Variants in MPP4 observed in about 807,000 individuals in gnomAD.
MPP4 encodes MAGUK p55 subfamily member 4.
A neutral mutation model predicts 98.3 loss-of-function variants in MPP4; 91 were observed. The ratio of observed to expected loss-of-function variants is 0.93; its 90% confidence interval spans 0.78 to 1.10. MPP4 has a LOEUF of 1.10. Among genes scored for constraint, MPP4 ranks in the 50% least tolerant of loss-of-function variants. The pLI is 0.00. For missense variants in MPP4, 744 were observed against 792.9 expected, an observed-to-expected ratio of 0.94 and a Z score of 0.74; for synonymous variants, 261 against 271.8, an observed-to-expected ratio of 0.96 and a Z score of 0.39.
At chr2:201,668,477 CCTCT>C (rs1553493948) in intron 12 of MPP4, among the ~76,000 whole-genome samples, 4 of 146,910 alleles carry the variant, frequency 2.7e-5, no homozygotes, top group Admixed American at 6.8e-5. Flanking sequence ...CTCTTCTCTT[CCTCT>C]CTCTCTCTCT....
At chr2:201,656,642 A>G (rs923849266) in intron 16 of MPP4, among the ~76,000 whole-genome samples, 5 of 152,322 alleles carry the variant, frequency 3.3e-5, no homozygotes, top group South Asian at 2.1e-4. Context: ...TGAAATCTAC[A>G]TTTTGTAGAA....
Position 201,649,455 on chromosome 2 carries a change from T to A in MPP4, c.1584+121A>T, listed in dbSNP as rs866678571. 3 of 679,218 alleles carry A rather than the reference T, an allele frequency of 4.4e-6. No individual in the cohort carries two copies. The Middle Eastern group carries it at 7.5e-4, about 170-fold the overall frequency. The allele number at this position is 679,218 out of a possible 1,614,324, so 42.1% of individuals were successfully genotyped here. A position where few individuals can be genotyped will look rare whatever the true frequency, so the allele number is the denominator to read the frequency against. On this transcript the variant is annotated intron_variant, in intron 20 of 21. Coordinates refer to ENST00000409474, the MANE Select transcript of MPP4 (RefSeq NM_033066.3). Reference sequence around the variant, plus strand: ...TAAGTAAGATCTTATATATGGGAAATGGCCTTATTCTTAAAAGGCTAACAG... The same window carrying A: ...TAAGTAAGATCTTATATATGGGAAAAGGCCTTATTCTTAAAAGGCTAACAG...
chr2:201,659,975 GGTAA>G, intron 15 of MPP4, among the ~76,000 whole-genome samples: 1 of 151,904 alleles, frequency 6.6e-6, no homozygotes, highest in East Asian at 1.9e-4. Context: ...TCCATCTTCT[GGTAA>G]GTAAGTATAT....
chr2:201,669,502 G>C (rs929588016), intron 12 of MPP4, among the ~76,000 whole-genome samples: 2 of 152,136 alleles, frequency 1.3e-5, no homozygotes, highest in Non-Finnish European at 2.9e-5. Context: ...TCCTCTCAGT[G>C]TTAGGACAAT....
chr2:201,660,249 T>C (rs1003168944), intron 15 of MPP4, 83 bp downstream of exon 15: 2 of 1,229,064 alleles, frequency 1.6e-6, no homozygotes, highest in African/African-American at 3.0e-5. Flanking sequence ...TTAAACATTA[T>C]CCAGTCAAGT....
At chr2:201,684,736 G>T (rs1161906444) in intron 7 of MPP4, among the ~76,000 whole-genome samples, 4 of 152,026 alleles carry the variant, frequency 2.6e-5, no homozygotes, top group Non-Finnish European at 5.9e-5. Context: ...GGATCACGAG[G>T]TCGGGAGATT....
intron 14 of MPP4, among the ~76,000 whole-genome samples, chr2:201,663,156 A>G (rs1484200168): frequency 6.6e-6 from 1 of 152,230 alleles, no homozygotes; most frequent in African/African-American, 2.4e-5. Flanking sequence ...CTGTCTTCTA[A>G]ACCACTGTGC....
intron 16 of MPP4, among the ~76,000 whole-genome samples, chr2:201,657,692 T>C (rs1287206633): frequency 6.7e-6 from 1 of 150,274 alleles, no homozygotes; most frequent in East Asian, 2.0e-4. Flanking sequence ...TCGCACAAAG[T>C]GTCAGAGCCC....
rs770495309 is a variant in MPP4 at position 201,645,221 on chromosome 2, C to G, written c.1903G>C (p.Glu635Gln). Residue 635 changes from glutamate to glutamine, a missense_variant, in exon 22 of 22, where the codon GAG (glutamate) becomes CAG (glutamine). Transcript: ENST00000409474. ...TTAAACAAGAAGTCTCATTGAGACT[C>G]AGTATCTGAGGAAATCCATGTTGCT... ...VPATWISSDT[E>Q]SQ 28 of 1,612,340 alleles carry G rather than the reference C, an allele frequency of 1.7e-5. 1 individual carries two copies. In the Admixed American group the frequency reaches 4.7e-4, roughly 27 times the overall value.
chr2:201,669,558 AT>A (rs1688280871), intron 12 of MPP4, among the ~76,000 whole-genome samples, 174 bp downstream of exon 12: 1 of 352 alleles, frequency 2.8e-3, no homozygotes. Flanking sequence ...TTATAAATCA[AT>A]GACTATCACA....
At chr2:201,661,339 G>A in intron 14 of MPP4, 2 of 448,722 alleles carry the variant, frequency 4.5e-6, no homozygotes, top group Non-Finnish European at 9.0e-6. Flanking sequence ...CGAAACTGAA[G>A]AACCTTAACT....
At chr2:201,653,946 T>C (rs1348445450) in intron 18 of MPP4, among the ~76,000 whole-genome samples, 9 of 151,796 alleles carry the variant, frequency 5.9e-5, no homozygotes, top group African/African-American at 1.7e-4. Context: ...TTAGGAGAAA[T>C]AAAGGAGTTA....
At chr2:201,669,942 T>G (rs16837969) in intron 11 of MPP4, among the ~76,000 whole-genome samples, 192 bp from the exon 12 acceptor site, 4,294 of 152,344 alleles carry the variant, frequency 0.028, 174 homozygotes, top group African/African-American at 0.097. Flanking sequence ...ATAAAACTGA[T>G]ACATTTGTGA....
intron 1 of MPP4, 88 bp downstream of exon 1, chr2:201,698,499 A>G: frequency 1.0e-6 from 1 of 989,046 alleles, no homozygotes; most frequent in Non-Finnish European, 1.4e-6. Context: ...CCAGATTTAT[A>G]TCTTTAGCTA....
chr2:201,673,883 G>A (rs961924862), intron 11 of MPP4, among the ~76,000 whole-genome samples: 7 of 152,108 alleles, frequency 4.6e-5, no homozygotes, highest in African/African-American at 7.2e-5. Flanking sequence ...CCTCCCCTCC[G>A]TCCTTCTGGT....
chr2:201,649,534 C>A (rs763320515), intron 20 of MPP4, 42 bp downstream of exon 20: 2 of 1,395,498 alleles, frequency 1.4e-6, no homozygotes, highest in Non-Finnish European at 2.0e-6. Context: ...GGATGATACG[C>A]ATTCATTGTT....
At chr2:201,683,044 A>C (rs893765002) in intron 7 of MPP4, 128 bp from the exon 8 acceptor site, 1 of 630,182 alleles carries the variant, frequency 1.6e-6, no homozygotes, top group Non-Finnish European at 2.7e-6. Flanking sequence ...ATAAAATAAT[A>C]ATAGAAAAGA....
chr2:201,690,159 C>T, intron 4 of MPP4, 43 bp downstream of exon 4: 1 of 1,352,532 alleles, frequency 7.4e-7, no homozygotes, highest in Non-Finnish European at 1.0e-6. Context: ...GAAAATGGCA[C>T]CACATCAGAG....
intron 10 of MPP4, among the ~76,000 whole-genome samples, chr2:201,677,112 T>C (rs574375906): frequency 1.7e-4 from 26 of 152,320 alleles, no homozygotes; most frequent in South Asian, 1.0e-3. Flanking sequence ...CCTTGGTTAC[T>C]CCATGGTTAA....
Sources: allele counts gnomAD v4.1 joint callset (sites outside exome capture counted in the v4.1 genomes callset), GRCh38; gene constraint gnomAD v4.1.1; transcripts MANE v1.5; gene names NCBI Gene and HGNC (gene_info 2026-07-23, HGNC 2026-07-21).